Variants in LRIT3 observed in about 807,000 individuals in gnomAD.
LRIT3 encodes the protein leucine rich repeat, Ig-like and transmembrane domains 3.
In LRIT3, 14 loss-of-function variants were observed where a neutral mutation model predicts 22.6. The observed-to-expected ratio is 0.62, with a 90% CI of 0.41 to 0.97. The LOEUF (loss-of-function observed/expected upper bound fraction) is 0.97, where lower values mean the gene tolerates loss of function less well. Among genes scored for constraint, LRIT3 ranks in the 50% least tolerant of loss-of-function variants. The pLI is 0.00. For missense variants in LRIT3, 783 were observed against 803.0 expected (o/e 0.98, Z 0.30); for synonymous variants, 306 against 304.5 (o/e 1.01, Z -0.05).
At chr4:109,850,422 C>CCTTCCTTCTTTCCTT in intron 1 of LRIT3, among the ~76,000 whole-genome samples, 1 of 55,110 alleles carries the variant, frequency 1.8e-5, no homozygotes, top group Non-Finnish European at 3.5e-5. Context: ...TTCCTTCCTT[C>CCTTCCTTCTTTCCTT]CTTTCTTTCT....
rs781307155 is a variant in LRIT3 at position 109,869,879 on chromosome 4, C to T, written c.1130C>T (p.Thr377Ile). ...GTCCAGCCGGGATCTGGAAGATCTA[C>T]ATCTGTATCTAGCGCATCATCATAT... ...WDVQPGSGRS[T>I]SVSSASSYLW... The change falls in exon 4 of 4, where the codon ACA becomes ATA. Residue 377 changes from threonine (T) to isoleucine (I), a missense_variant. Coordinates refer to ENST00000594814, the MANE Select transcript of LRIT3 (RefSeq NM_198506.5). 14 of 1,614,068 alleles carry T rather than the reference C, an allele frequency of 8.7e-6. No homozygotes were observed. The highest frequency in any genetic ancestry group is 2.2e-5 in the East Asian group (1 of 44,888).
At chr4:109,856,077 G>A (rs955105482) in intron 2 of LRIT3, among the ~76,000 whole-genome samples, 1 of 152,132 alleles carries the variant, frequency 6.6e-6, no homozygotes, top group Non-Finnish European at 1.5e-5. Flanking sequence ...TCTGAGATAG[G>A]AATCTTGGTG....
chr4:109,868,149 A>C (rs1370120236), intron 3 of LRIT3, among the ~76,000 whole-genome samples: 1 of 152,168 alleles, frequency 6.6e-6, no homozygotes, highest in Non-Finnish European at 1.5e-5. Context: ...AAACAATCTA[A>C]ACTCTTTTTC....
intron 2 of LRIT3, 35 bp downstream of exon 2, chr4:109,852,011 G>T (rs1038357531): frequency 5.4e-6 from 8 of 1,481,072 alleles, no homozygotes; most frequent in Non-Finnish European, 7.2e-6. Flanking sequence ...TTCATCTATA[G>T]TTACTTTGCT....
At position 109,870,793 on chromosome 4, in the gene LRIT3, T is replaced by A; in HGVS notation, c.*4T>A. On this transcript the variant is annotated 3_prime_UTR_variant, in exon 4 of 4. Transcript: ENST00000594814. ...CAGACCAGAGTATTATTGCTAAGGTTCTGCAGCTCAGGTGCATGTGAGCTA... is the reference window on the plus strand; with the variant it reads ...CAGACCAGAGTATTATTGCTAAGGTACTGCAGCTCAGGTGCATGTGAGCTA... The A allele has an allele frequency of 6.3e-7, 1 of 1,580,492 alleles. No individual in the cohort carries two copies.
rs1734772326 is a variant in LRIT3, at chr4:109,869,695, A to T, written c.946A>T (p.Thr316Ser). Residue 316 changes from threonine (T) to serine (S), a missense_variant, in exon 4 of 4, where the codon ACA becomes TCA. This residue lies in a region of LRIT3 where 756 missense variants were observed against 753.8 expected (regional missense o/e 1.00). Coordinates refer to ENST00000594814, the MANE Select transcript of LRIT3 (RefSeq NM_198506.5). ...EGVRWSIMSL[T>S]GISSKDAGDY... ...AGTCAGATGGTCCATAATGAGCTTGACAGGCATTTCTTCCAAAGACGCTGG... is the reference window on the plus strand; with the variant it reads ...AGTCAGATGGTCCATAATGAGCTTGTCAGGCATTTCTTCCAAAGACGCTGG... 6.3e-7 allele frequency: 1 copy of T among 1,596,250 alleles called. No homozygotes were observed. Among genetic ancestry groups the T allele is most frequent in the African/African-American group, 1.3e-5 (1 of 74,550 alleles).
intron 1 of LRIT3, among the ~76,000 whole-genome samples, chr4:109,850,431 C>CTTTCTT (rs1734210511): frequency 1.2e-5 from 1 of 82,724 alleles, no homozygotes; most frequent in Non-Finnish European, 2.3e-5. Flanking sequence ...TCCTTTCTTT[C>CTTTCTT]TTTCTTTCTT....
intron 2 of LRIT3, among the ~76,000 whole-genome samples, chr4:109,853,679 C>A (rs1177785360): frequency 4.6e-5 from 7 of 152,124 alleles, no homozygotes; most frequent in Non-Finnish European, 1.0e-4. Context: ...ATGCCTATGT[C>A]CTGAATGGTA....
Position 109,870,871 on chromosome 4 carries a change from CAGA to C in LRIT3, c.*83_*85del. Reference sequence around the variant, plus strand: ...ACCCTAGGTTTGGATGACTTTTGGACAGACTTTCACATTGTACATGAAAATCAC... The same window carrying C: ...ACCCTAGGTTTGGATGACTTTTGGACCTTTCACATTGTACATGAAAATCAC... On this transcript the variant is annotated 3_prime_UTR_variant, in exon 4 of 4. Transcript: ENST00000594814. 7.3e-7 allele frequency: 1 copy of C among 1,364,332 alleles called. No individual in the cohort carries two copies. The allele number at this position is 1,364,332 out of a possible 1,614,324, so 84.5% of individuals were successfully genotyped here. A position where few individuals can be genotyped will look rare whatever the true frequency, so the allele number is the denominator to read the frequency against.
intron 2 of LRIT3, among the ~76,000 whole-genome samples, chr4:109,857,704 C>G (rs1317593184): frequency 6.6e-6 from 1 of 152,082 alleles, no homozygotes; most frequent in Non-Finnish European, 1.5e-5. Context: ...ATCTCTGTGG[C>G]CTTGAGAGCA....
intron 1 of LRIT3, among the ~76,000 whole-genome samples, chr4:109,849,865 G>A (rs571006623): frequency 5.3e-4 from 80 of 152,098 alleles, no homozygotes; most frequent in African/African-American, 1.7e-3. Context: ...CACGCACCTC[G>A]GCCTCCCAAA....
chr4:109,848,172 C>A lies in LRIT3; in HGVS notation c.-30C>A. The A allele has an allele frequency of 8.4e-7, 1 of 1,185,714 alleles. No homozygotes were observed. The highest frequency in any genetic ancestry group is 1.1e-6 in the Non-Finnish European group (1 of 945,744). The allele number at this position is 1,185,714 out of a possible 1,614,324, so 73.4% of individuals were successfully genotyped here. A position where few individuals can be genotyped will look rare whatever the true frequency, so the allele number is the denominator to read the frequency against. Reference sequence around the variant, plus strand: ...TGAATGCTTAGGATTCGGTTTTTACCTTTTGTTTAAATAACCTCTAAAAGG... The same window carrying A: ...TGAATGCTTAGGATTCGGTTTTTACATTTTGTTTAAATAACCTCTAAAAGG... On this transcript the variant is annotated 5_prime_UTR_variant, in exon 1 of 4. Transcript: ENST00000594814.
At chr4:109,858,454 T>C (rs971488128) in intron 2 of LRIT3, among the ~76,000 whole-genome samples, 2 of 152,154 alleles carry the variant, frequency 1.3e-5, no homozygotes, top group African/African-American at 4.8e-5. Context: ...GTCTCGTTGT[T>C]GCATGCATCT....
chr4:109,868,551 T>TAA lies in LRIT3; in HGVS notation c.895+626_895+627dup, dbSNP rs11387409. 3.3e-3 allele frequency among the ~76,000 whole-genome samples: 399 copies of TAA among 122,244 alleles called. 2 individuals carry two copies. Among genetic ancestry groups the TAA allele is most frequent in the African/African-American group, 0.012 (327 of 28,040 alleles). The allele number at this position is 122,244 out of a possible 152,430, so 80.2% of individuals were successfully genotyped here. A position where few individuals can be genotyped will look rare whatever the true frequency, so the allele number is the denominator to read the frequency against. On this transcript the variant is annotated intron_variant, in intron 3 of 3. Transcript: ENST00000594814. Reference sequence around the variant, plus strand: ...GCACCACTGCAGAGTAAGACTGTCTTAAAAAAAAAAAAAAAAAAAAAAGGA... The same window carrying TAA: ...GCACCACTGCAGAGTAAGACTGTCTTAAAAAAAAAAAAAAAAAAAAAAAAGGA...
chr4:109,868,273 A>T (rs1171240966), intron 3 of LRIT3, among the ~76,000 whole-genome samples: 1 of 152,196 alleles, frequency 6.6e-6, no homozygotes, highest in Non-Finnish European at 1.5e-5. Context: ...CAATTTTTTA[A>T]AAAGGGCCTT....
chr4:109,865,130 G>T, intron 2 of LRIT3: 1 of 1,454,008 alleles, frequency 6.9e-7, no homozygotes, highest in Non-Finnish European at 9.2e-7. Context: ...CTGATAGAAC[G>T]TTACGGCTGT....
Position 109,867,879 on chromosome 4 carries a change from TGC to T in LRIT3, c.829_830del (p.Ala277HisfsTer14), listed in dbSNP as rs1579381525. 4.3e-6 allele frequency: 7 copies of T among 1,614,030 alleles called. No individual in the cohort carries two copies. The East Asian group carries it at 1.3e-4, about 31-fold the overall frequency. On this transcript the variant is annotated frameshift_variant, in exon 3 of 4. Coordinates refer to ENST00000594814, the MANE Select transcript of LRIT3 (RefSeq NM_198506.5). LOFTEE classifies it high-confidence loss of function. ...GCAGTAATGTTCTACTGCGGTGTGA[TGC>T]CACTGGCTTCCCCACCCCACAGATC... The part of the protein sequence containing the change: ...LGSNVLLRCD[A>X]TGFPTPQITW...
rs991241747 is a variant in LRIT3 at position 109,870,019 on chromosome 4, A to G, written c.1270A>G (p.Thr424Ala). 1.9e-6 allele frequency: 3 copies of G among 1,614,004 alleles called. No individual in the cohort carries two copies. The highest frequency in any genetic ancestry group is 2.2e-5 in the East Asian group (1 of 44,896). Residue 424 changes from threonine to alanine, a missense_variant, in exon 4 of 4, where the codon ACA becomes GCA. Coordinates refer to ENST00000594814, the MANE Select transcript of LRIT3 (RefSeq NM_198506.5). ...PFSSSTVSST[T>A]TLSTSISAST... ...CTCCTCCTCCACTGTTTCTTCAACC[A>G]CAACTCTGAGCACAAGCATCTCAGC...
Position 109,851,773 on chromosome 4 carries a change from C to T in LRIT3, c.386C>T (p.Pro129Leu). The change falls in exon 2 of 4, where the codon CCC (proline) becomes CTC (leucine). Residue 129 changes from proline to leucine, a missense_variant. Coordinates refer to ENST00000594814, the MANE Select transcript of LRIT3 (RefSeq NM_198506.5). ...CCTTGGGCATCTCTGCTGGACATGC[C>T]CCTTCTGAGGACCCTGGACTTGCAC... ...AFPWASLLDM[P>L]LLRTLDLHNN... 1 of 1,551,720 alleles carries T rather than the reference C, an allele frequency of 6.4e-7. No homozygotes were observed. Among genetic ancestry groups the T allele is most frequent in the South Asian group, 1.2e-5 (1 of 84,060 alleles).
Sources: allele counts gnomAD v4.1 joint callset (sites outside exome capture counted in the v4.1 genomes callset), GRCh38; gene constraint gnomAD v4.1.1; regional missense constraint gnomAD v4.1.1; transcripts MANE v1.5; gene names NCBI Gene and HGNC (gene_info 2026-07-23, HGNC 2026-07-21).